The following DPP10 variants were observed in gnomAD, a reference collection of about 807,000 sequenced individuals.
DPP10 encodes dipeptidyl peptidase like 10, also known as inactive dipeptidyl peptidase 10.
Under a neutral mutation model 120.9 loss-of-function variants are expected in DPP10, and 33 were observed. That is an observed-to-expected ratio of 0.27 (90% CI 0.21 to 0.37). The LOEUF is 0.37. Ranked by LOEUF, DPP10 falls within the 10% of genes least tolerant of loss-of-function variation. The probability of loss-of-function intolerance (pLI) is 1.00; values close to 1 mark genes in which losing one functional copy is unlikely to be tolerated. For missense variants in DPP10, 816 were observed against 942.8 expected, an observed-to-expected ratio of 0.87 and a Z score of 1.76; for synonymous variants, 337 against 326.1, an observed-to-expected ratio of 1.03 and a Z score of -0.36.
rs550571806 is a variant in DPP10 at position 115,270,661 on chromosome 2, G to A, written c.61-38578G>A. Among the ~76,000 whole-genome samples, 34 of 152,236 alleles carry A rather than the reference G, an allele frequency of 2.2e-4. No individual in the cohort carries two copies. The South Asian group carries it at 5.6e-3, about 25-fold the overall frequency. ...AGATTTAACTGGGCCAGGGGTGAGG[G>A]CAGGGACCTATGTCAGTCCTAAAGT... is the stretch of plus-strand genomic sequence containing the variant. On this transcript the variant is annotated intron_variant, in intron 1 of 25. Coordinates refer to ENST00000410059, the MANE Select transcript of DPP10 (RefSeq NM_020868.6).
intron 1 of DPP10, among the ~76,000 whole-genome samples, chr2:114,776,545 T>C (rs1681760856): frequency 6.6e-6 from 1 of 152,136 alleles, no homozygotes; most frequent in African/African-American, 2.4e-5. Flanking sequence ...ACACTGCCAG[T>C]AGTGTGATGA....
chr2:115,416,663 G>T (rs1157478922), intron 3 of DPP10, among the ~76,000 whole-genome samples: 1 of 152,038 alleles, frequency 6.6e-6, no homozygotes, highest in Non-Finnish European at 1.5e-5. Flanking sequence ...TCCATTAATC[G>T]ATTAATTAAA....
At chr2:115,793,614 A>G (rs1684226071) in intron 19 of DPP10, among the ~76,000 whole-genome samples, 1 of 152,124 alleles carries the variant, frequency 6.6e-6, no homozygotes, top group Non-Finnish European at 1.5e-5. Flanking sequence ...TTCAATAGAC[A>G]GACACTACTA....
intron 1 of DPP10, among the ~76,000 whole-genome samples, chr2:115,265,069 A>T (rs931519548): frequency 6.6e-6 from 1 of 152,080 alleles, no homozygotes; most frequent in Admixed American, 6.5e-5. Context: ...TTTGATGAAG[A>T]TCCATAAAGA....
chr2:115,708,410 G>A (rs2092206503), intron 7 of DPP10, among the ~76,000 whole-genome samples: 1 of 151,940 alleles, frequency 6.6e-6, no homozygotes, highest in African/African-American at 2.4e-5. Context: ...ATGTGCTCTG[G>A]AATGGAAGTA....
chr2:115,519,400 A>C (rs1050909767), intron 4 of DPP10, among the ~76,000 whole-genome samples: 1 of 152,164 alleles, frequency 6.6e-6, no homozygotes, highest in Non-Finnish European at 1.5e-5. Context: ...CCAATATCAA[A>C]ATGCATGGTA....
At chr2:115,188,444 A>G (rs1000453802) in intron 1 of DPP10, among the ~76,000 whole-genome samples, 1 of 152,208 alleles carries the variant, frequency 6.6e-6, no homozygotes, top group African/African-American at 2.4e-5. Context: ...CACGGAAATT[A>G]ACTCAGAGGG....
chr2:115,612,175 A>C (rs1010719837), intron 5 of DPP10, among the ~76,000 whole-genome samples: 4 of 152,148 alleles, frequency 2.6e-5, no homozygotes, highest in African/African-American at 9.7e-5. Context: ...ATCAGCTTCT[A>C]ACTATGTACT....
At chr2:115,400,407 T>A (rs1420584460) in intron 3 of DPP10, among the ~76,000 whole-genome samples, 3 of 152,084 alleles carry the variant, frequency 2.0e-5, no homozygotes. Flanking sequence ...AGCATGAAGA[T>A]GTTGTCACAT....
chr2:114,864,897 TG>T (rs2106542295), intron 1 of DPP10, among the ~76,000 whole-genome samples: 1 of 152,278 alleles, frequency 6.6e-6, no homozygotes, highest in African/African-American at 2.4e-5. Flanking sequence ...AGTTTCCTCT[TG>T]GGAAACAACG....
At chr2:114,690,924 T>G (rs535076061) in intron 1 of DPP10, among the ~76,000 whole-genome samples, 5 of 152,216 alleles carry the variant, frequency 3.3e-5, no homozygotes, top group Admixed American at 3.3e-4. Context: ...TTTTGTATCC[T>G]GAGACTTTGC....
At chr2:114,719,855 T>C (rs956978236) in intron 1 of DPP10, among the ~76,000 whole-genome samples, 6 of 152,158 alleles carry the variant, frequency 3.9e-5, no homozygotes, top group African/African-American at 1.4e-4. Context: ...CAAATGATTT[T>C]TAGGAGCATT....
At chr2:115,242,659 C>G (rs1361504933) in intron 1 of DPP10, among the ~76,000 whole-genome samples, 1 of 150,002 alleles carries the variant, frequency 6.7e-6, no homozygotes, top group Non-Finnish European at 1.5e-5. Flanking sequence ...TCACCACATC[C>G]ATGCCAACAT....
chr2:114,455,162 G>GTGTGTA (rs1432015603), intron 1 of DPP10, among the ~76,000 whole-genome samples: 1 of 151,546 alleles, frequency 6.6e-6, no homozygotes, highest in African/African-American at 2.4e-5. Context: ...TCTATTGTGT[G>GTGTGTA]TGTGTGTGTG....
At chr2:115,589,524 TTTTAC>T (rs1478982386) in intron 5 of DPP10, among the ~76,000 whole-genome samples, 3 of 152,138 alleles carry the variant, frequency 2.0e-5, no homozygotes, top group African/African-American at 7.2e-5. Flanking sequence ...AGAGAGGATT[TTTTAC>T]AAATATAACT....
intron 1 of DPP10, among the ~76,000 whole-genome samples, chr2:114,450,048 C>T (rs1405311994): frequency 6.6e-6 from 1 of 151,958 alleles, no homozygotes; most frequent in Non-Finnish European, 1.5e-5. Context: ...TGCTGTGCTA[C>T]CAAAATGGAA....
At chr2:115,802,925 G>T in intron 19 of DPP10, among the ~76,000 whole-genome samples, 1 of 152,184 alleles carries the variant, frequency 6.6e-6, no homozygotes, top group Admixed American at 6.5e-5. Flanking sequence ...GGGGTGGAGA[G>T]TTCTGTAGAT....
chr2:115,670,839 G>A (rs11123316), intron 5 of DPP10, among the ~76,000 whole-genome samples: 96,525 of 151,886 alleles, frequency 0.64, 32,738 homozygotes, highest in East Asian at 0.92. Flanking sequence ...AGATTAAAAG[G>A]CATCTCCCTC....
intron 1 of DPP10, among the ~76,000 whole-genome samples, chr2:114,751,696 G>A (rs901029043): frequency 6.6e-6 from 1 of 152,144 alleles, no homozygotes; most frequent in African/African-American, 2.4e-5. Context: ...TCGGGCTCCT[G>A]GGAGATTTCT....
Sources: allele counts gnomAD v4.1 joint callset (sites outside exome capture counted in the v4.1 genomes callset), GRCh38; gene constraint gnomAD v4.1.1; transcripts MANE v1.5; gene names NCBI Gene and HGNC (gene_info 2026-07-23, HGNC 2026-07-21).